PC: variants seen among roughly 807,000 people sequenced by gnomAD.
The protein encoded by PC is pyruvate carboxylase, also known as pyruvate carboxylase, mitochondrial.
A neutral mutation model predicts 107.8 loss-of-function variants in PC; 46 were observed. The observed-to-expected ratio is 0.43, with a 90% CI of 0.34 to 0.55. PC has a LOEUF of 0.55. Ranked by LOEUF, PC falls within the 20% of genes least tolerant of loss-of-function variation. The pLI is 0.04. For missense variants in PC, 1,241 were observed against 1,643.1 expected, an observed-to-expected ratio of 0.76 and a Z score of 4.23; for synonymous variants, 662 against 684.7, an observed-to-expected ratio of 0.97 and a Z score of 0.52.
At chr11:66,860,433 G>A (rs1251421389) in intron 12 of PC, 3 of 706,888 alleles carry the variant, frequency 4.2e-6, no homozygotes, top group Non-Finnish European at 7.7e-6. Context: ...CACCCACTGG[G>A]AGTCTTGTTT....
intron 3 of PC, among the ~76,000 whole-genome samples, chr11:66,886,916 G>A (rs1281296797): frequency 6.6e-6 from 1 of 152,186 alleles, no homozygotes; most frequent in Non-Finnish European, 1.5e-5. Context: ...CACGGTGCAC[G>A]CCCCTGGCTT....
At chr11:66,885,506 A>C (rs997403345) in intron 3 of PC, among the ~76,000 whole-genome samples, 3 of 151,598 alleles carry the variant, frequency 2.0e-5, no homozygotes, top group African/African-American at 7.3e-5. Flanking sequence ...AAAAAAAAAA[A>C]AGTGACCTTA....
chr11:66,921,058 T>C (rs1431773991), intron 3 of PC, among the ~76,000 whole-genome samples: 2 of 149,930 alleles, frequency 1.3e-5, no homozygotes, highest in East Asian at 3.9e-4. Context: ...AATACAGGCA[T>C]GAGGCAAGGG....
At chr11:66,880,031 C>T (rs1443910482) in intron 3 of PC, among the ~76,000 whole-genome samples, 4 of 152,176 alleles carry the variant, frequency 2.6e-5, no homozygotes, top group South Asian at 2.1e-4. Context: ...CTCCCTGACC[C>T]GCACACAATG....
intron 3 of PC, among the ~76,000 whole-genome samples, chr11:66,926,655 T>C (rs924107746): frequency 2.0e-5 from 3 of 152,186 alleles, no homozygotes; most frequent in South Asian, 2.1e-4. Context: ...TAACCAACTA[T>C]CCAATTCCAG....
intron 3 of PC, among the ~76,000 whole-genome samples, chr11:66,888,426 G>A (rs562855370): frequency 1.3e-4 from 20 of 152,308 alleles, no homozygotes; most frequent in Admixed American, 3.9e-4. Context: ...GGATGGGCAC[G>A]AACAAAACAA....
At chr11:66,859,176 C>T (rs1040611362) in intron 12 of PC, 1 of 1,419,200 alleles carries the variant, frequency 7.0e-7, no homozygotes, top group Non-Finnish European at 9.3e-7. Flanking sequence ...TGCTTCCACC[C>T]CTCCTCTCTC....
intron 12 of PC, chr11:66,860,253 G>A: frequency 6.5e-7 from 1 of 1,537,000 alleles, no homozygotes; most frequent in South Asian, 1.2e-5. Context: ...AGAGGGCCCG[G>A]GGCCGCCGCC....
intron 3 of PC, among the ~76,000 whole-genome samples, chr11:66,898,771 A>G (rs1450600853): frequency 6.6e-6 from 1 of 152,144 alleles, no homozygotes; most frequent in Non-Finnish European, 1.5e-5. Flanking sequence ...AACATTTCCT[A>G]TCCCCTAGCT....
In PC at chr11:66,851,778, C is replaced by T. The variant is rs1393867871; in HGVS notation, c.1982+12G>A. The T allele has an allele frequency of 1.9e-6, 3 of 1,613,884 alleles. No homozygotes were observed. The highest frequency in any genetic ancestry group is 1.3e-5 in the African/African-American group (1 of 74,932). The stretch of plus-strand genomic sequence containing the variant: ...CACCAGGTAGCGTCTGCCCACCCCA[C>T]CCCAGGCTCACTTGAAGACCACGTT... On this transcript the variant is annotated intron_variant, in intron 16 of 22. Transcript: ENST00000393960.
intron 3 of PC, among the ~76,000 whole-genome samples, chr11:66,937,770 G>T (rs1042533801): frequency 1.5e-4 from 22 of 149,156 alleles, no homozygotes; most frequent in East Asian, 3.9e-4. Context: ...AGAATTTCTG[G>T]GTTTTTTTTG....
At chr11:66,860,356 C>T (rs1286889204) in intron 12 of PC, 9 of 1,105,674 alleles carry the variant, frequency 8.1e-6, no homozygotes, top group South Asian at 5.3e-5. Context: ...CGGTTCTGGC[C>T]TCCAGACCAG....
intron 3 of PC, among the ~76,000 whole-genome samples, chr11:66,920,283 T>C (rs1047190934): frequency 6.6e-5 from 10 of 152,152 alleles, no homozygotes; most frequent in Admixed American, 4.6e-4. Flanking sequence ...GGAACTTCCC[T>C]GTAACTGGTA....
chr11:66,925,304 G>A (rs1948690755), intron 3 of PC, among the ~76,000 whole-genome samples: 1 of 152,162 alleles, frequency 6.6e-6, no homozygotes, highest in Non-Finnish European at 1.5e-5. Flanking sequence ...ACGGGAGACT[G>A]GGGCTTATTT....
intron 3 of PC, among the ~76,000 whole-genome samples, chr11:66,932,849 T>C (rs1948894963): frequency 6.6e-6 from 1 of 152,156 alleles, no homozygotes; most frequent in African/African-American, 2.4e-5. Flanking sequence ...ATGCCCTGTC[T>C]TTTCTGCACA....
At chr11:66,864,113 T>C (rs1946393332) in intron 11 of PC, among the ~76,000 whole-genome samples, 157 bp from the exon 12 acceptor site, 1 of 152,216 alleles carries the variant, frequency 6.6e-6, no homozygotes, top group South Asian at 2.1e-4. Context: ...CAGGTTTTGC[T>C]GTTTCTGCCA....
intron 3 of PC, among the ~76,000 whole-genome samples, chr11:66,920,607 G>C (rs1389137895): frequency 1.3e-5 from 2 of 152,112 alleles, no homozygotes; most frequent in Non-Finnish European, 2.9e-5. Flanking sequence ...AAGAATCGTA[G>C]AGCCATTTCT....
intron 1 of PC, among the ~76,000 whole-genome samples, chr11:66,957,531 G>C (rs1455038362): frequency 1.3e-5 from 2 of 152,176 alleles, no homozygotes; most frequent in African/African-American, 2.4e-5. Flanking sequence ...CAGGAGGGTC[G>C]CTTGAGCCCG....
intron 3 of PC, among the ~76,000 whole-genome samples, chr11:66,897,209 C>T (rs2136030523): frequency 6.6e-6 from 1 of 151,880 alleles, no homozygotes; most frequent in Non-Finnish European, 1.5e-5. Flanking sequence ...GCTGGAATTA[C>T]AGGCATGAGC....
Sources: allele counts gnomAD v4.1 joint callset (sites outside exome capture counted in the v4.1 genomes callset), GRCh38; gene constraint gnomAD v4.1.1; transcripts MANE v1.5; gene names NCBI Gene and HGNC (gene_info 2026-07-23, HGNC 2026-07-21).